The following BMP2K variants were observed in gnomAD, a reference collection of about 807,000 sequenced individuals.
BMP2K encodes the protein BMP-2-inducible protein kinase.
A neutral mutation model predicts 116.0 loss-of-function variants in BMP2K; 74 were observed. The ratio of observed to expected loss-of-function variants is 0.64; its 90% confidence interval spans 0.53 to 0.77. The LOEUF is 0.77. BMP2K is among the 30% of genes least tolerant of loss of function. The probability of loss-of-function intolerance (pLI) is 0.00; values close to 1 mark genes in which losing one functional copy is unlikely to be tolerated. For synonymous variants in BMP2K, 486 were observed against 502.5 expected (o/e 0.97, Z 0.44); for missense variants, 1,365 against 1,403.6 (o/e 0.97, Z 0.44).
intron 1 of BMP2K, among the ~76,000 whole-genome samples, chr4:78,779,402 G>A (rs1346759883): frequency 2.0e-5 from 3 of 152,180 alleles, no homozygotes; most frequent in Admixed American, 2.0e-4. Flanking sequence ...CAGCACTTTA[G>A]CACTACGCTT....
Position 78,911,609 on chromosome 4 carries a change from A to T in BMP2K, c.3062A>T (p.His1021Leu). The T allele has an allele frequency of 1.2e-6, 2 of 1,614,032 alleles. No homozygotes were observed. Among genetic ancestry groups the T allele is most frequent in the Non-Finnish European group, 1.7e-6 (2 of 1,179,896 alleles). The change falls in exon 16 of 16, where the codon CAC (histidine) becomes CTC (leucine). Residue 1021 changes from histidine to leucine, a missense_variant. His to Leu is a moderately conservative substitution (Grantham distance 99). Coordinates refer to ENST00000502613, the MANE Select transcript of BMP2K (RefSeq NM_198892.2). The stretch of plus-strand genomic sequence containing the variant: ...CGCACTCCAGAGAGGGCTCGCAGGC[A>T]CAAAAAAGTGGGCCGCCGAGACTCT... The part of the protein sequence containing the change: ...TYRTPERARR[H>L]KKVGRRDSQS...
chr4:78,860,347 T>TA lies in BMP2K; in HGVS notation c.987+665dup, dbSNP rs554885814. ...CTAAAACTACAAAAAAGTTTTTTTT[T>TA]AAAAAGCACAGGCAATGTAAATAGA... On this transcript the variant is annotated intron_variant, in intron 8 of 15. Transcript: ENST00000502613. Among the ~76,000 whole-genome samples, 399 of 151,968 alleles carry TA rather than the reference T, an allele frequency of 2.6e-3. 1 individual carries two copies. Among genetic ancestry groups the TA allele is most frequent in the Non-Finnish European group, 4.4e-3 (300 of 67,828 alleles).
In BMP2K at chr4:78,887,263, GTTCCT is replaced by G. The variant is rs1560546516; in HGVS notation, c.2045_2049del (p.Pro682HisfsTer8). ...TCCTCCAGAAGATCCTTTTGGTTCT[GTTCCT>G]TTCATTTCTCATTCAGGCAAGTTAC... On this transcript the variant is annotated frameshift_variant, in exon 15 of 16. Transcript: ENST00000502613. LOFTEE classifies it low-confidence loss of function (END_TRUNC). 5 of 1,608,442 alleles carry G rather than the reference GTTCCT, an allele frequency of 3.1e-6. No homozygotes were observed. The highest frequency in any genetic ancestry group is 2.2e-5 in the East Asian group (1 of 44,690).
Position 78,811,322 on chromosome 4 carries a change from C to A in BMP2K, c.179-14715C>A, listed in dbSNP as rs541336172. On this transcript the variant is annotated intron_variant, in intron 1 of 15. Coordinates refer to ENST00000502613, the MANE Select transcript of BMP2K (RefSeq NM_198892.2). ...AGAGGGTAGGACAGTAAACCCTTGA[C>A]TGAGTATTTTGCGGCAGGTGTGTCT... Among the ~76,000 whole-genome samples the A allele has an allele frequency of 2.6e-4, 40 of 152,312 alleles. 1 individual carries two copies. In the South Asian group the frequency reaches 2.9e-3, roughly 11 times the overall value.
rs1352109762 is a variant in BMP2K, at chr4:78,847,235, G to A, written c.716G>A (p.Gly239Glu). 6.3e-7 allele frequency: 1 copy of A among 1,590,520 alleles called. No individual in the cohort carries two copies. Among genetic ancestry groups the A allele is most frequent in the African/African-American group, 1.4e-5 (1 of 73,778 alleles). ...YRAPEMINLY[G>E]GKPITTKADI... ...GCCCCTGAAATGATCAACCTTTATG[G>A]AGGGAAACCCATCACCACCAAGGCT... Residue 239 changes from glycine to glutamate, a missense_variant, in exon 6 of 16, where the codon GGA (glycine) becomes GAA (glutamate). Gly to Glu is a moderately conservative substitution (Grantham distance 98). Transcript: ENST00000502613.
chr4:78,859,664 G>T lies in BMP2K; in HGVS notation c.964G>T (p.Asp322Tyr). The change falls in exon 8 of 16, where the codon GAT (aspartate) becomes TAT (tyrosine). Residue 322 changes from aspartate to tyrosine, a missense_variant. By Grantham distance (160) the Asp-to-Tyr change is radical. Transcript: ENST00000502613. Reference protein sequence around the residue: ...SYFAFKFAKKDCPVSNINNSS... With the variant: ...SYFAFKFAKKYCPVSNINNSS... The stretch of plus-strand genomic sequence containing the variant: ...TTTTGCATTTAAATTTGCCAAAAAG[G>T]ATTGTCCAGTCTCCAACATCAATGT... The T allele has an allele frequency of 6.2e-7, 1 of 1,605,434 alleles. No individual in the cohort carries two copies.
chr4:78,841,254 AC>A (rs1250645467), intron 3 of BMP2K, among the ~76,000 whole-genome samples: 1 of 152,190 alleles, frequency 6.6e-6, no homozygotes, highest in Non-Finnish European at 1.5e-5. Flanking sequence ...CATTTATCTA[AC>A]CTTGTTAAAG....
Position 78,835,229 on chromosome 4 carries a change from T to TA in BMP2K, c.403+1547dup, listed in dbSNP as rs869286316. Among the ~76,000 whole-genome samples the TA allele has an allele frequency of 5.9e-5, 9 of 152,358 alleles. 1 individual carries two copies. The South Asian group carries it at 1.9e-3, about 32-fold the overall frequency. On this transcript the variant is annotated intron_variant, in intron 3 of 15. Coordinates refer to ENST00000502613, the MANE Select transcript of BMP2K (RefSeq NM_198892.2). ...TTTTGAGGAATGCATTGTTTTGTTTTAAAAATTTTTTAGAAATAGTTATCC... is the reference window on the plus strand; with the variant it reads ...TTTTGAGGAATGCATTGTTTTGTTTTAAAAAATTTTTTAGAAATAGTTATCC...
At chr4:78,794,217 G>T (rs1728144768) in intron 1 of BMP2K, among the ~76,000 whole-genome samples, 1 of 149,526 alleles carries the variant, frequency 6.7e-6, no homozygotes, top group Non-Finnish European at 1.5e-5. Flanking sequence ...TTGGTAGGCT[G>T]AGTGAAATCT....
chr4:78,853,679 G>C (rs1441013859), intron 7 of BMP2K, among the ~76,000 whole-genome samples: 1 of 152,122 alleles, frequency 6.6e-6, no homozygotes, highest in Non-Finnish European at 1.5e-5. Flanking sequence ...GCCTTGGATT[G>C]CATCTGCTCT....
At chr4:78,788,080 C>T (rs552228322) in intron 1 of BMP2K, among the ~76,000 whole-genome samples, 1 of 151,672 alleles carries the variant, frequency 6.6e-6, no homozygotes, top group African/African-American at 2.4e-5. Context: ...CTTGTCAGGA[C>T]TATTTTTCTA....
At chr4:78,885,294 C>T (rs1186861161) in intron 14 of BMP2K, among the ~76,000 whole-genome samples, 1 of 152,138 alleles carries the variant, frequency 6.6e-6, no homozygotes, top group Non-Finnish European at 1.5e-5. Flanking sequence ...GAATTAGTTG[C>T]CCATAGGAGT....
chr4:78,781,405 G>A (rs570547727), intron 1 of BMP2K, among the ~76,000 whole-genome samples: 58 of 152,148 alleles, frequency 3.8e-4, no homozygotes, highest in African/African-American at 1.4e-3. Flanking sequence ...TACCGTTTGG[G>A]AACATAAGGA....
intron 1 of BMP2K, among the ~76,000 whole-genome samples, chr4:78,782,075 G>A (rs1370108859): frequency 6.6e-6 from 1 of 152,170 alleles, no homozygotes; most frequent in Non-Finnish European, 1.5e-5. Context: ...TATTTGCTAG[G>A]TGAATACTCT....
At chr4:78,811,525 G>A (rs1365783056) in intron 1 of BMP2K, among the ~76,000 whole-genome samples, 1 of 152,156 alleles carries the variant, frequency 6.6e-6, no homozygotes, top group African/African-American at 2.4e-5. Context: ...GATTACAAAT[G>A]CAAGGCTAGT....
At chr4:78,786,372 C>G (rs1236750646) in intron 1 of BMP2K, among the ~76,000 whole-genome samples, 1 of 150,856 alleles carries the variant, frequency 6.6e-6, no homozygotes, top group Non-Finnish European at 1.5e-5. Flanking sequence ...GTCTCCATAA[C>G]AGTAAGAAAT....
intron 3 of BMP2K, 99 bp from the exon 4 acceptor site, chr4:78,842,286 A>G (rs1730796327): frequency 1.1e-5 from 12 of 1,082,404 alleles, no homozygotes; most frequent in Middle Eastern, 2.4e-4. Flanking sequence ...GAAAAAGCCA[A>G]TTTCCCATTA....
intron 1 of BMP2K, among the ~76,000 whole-genome samples, chr4:78,778,715 A>G (rs1162804485): frequency 1.3e-5 from 2 of 152,194 alleles, no homozygotes; most frequent in Non-Finnish European, 2.9e-5. Flanking sequence ...TTCCTAATAA[A>G]TAGTGCCACA....
intron 7 of BMP2K, among the ~76,000 whole-genome samples, chr4:78,855,392 A>G: frequency 6.6e-6 from 1 of 152,130 alleles, no homozygotes; most frequent in East Asian, 1.9e-4. Flanking sequence ...TAAGCAGGAA[A>G]ATTGTTTTGA....
Sources: gnomAD v4.1 joint callset for allele counts (sites outside exome capture counted in the v4.1 genomes callset) on GRCh38, gnomAD v4.1.1 for gene constraint, MANE v1.5 for transcripts, NCBI Gene and HGNC (gene_info 2026-07-23, HGNC 2026-07-21) for gene names.